ANO1: variants seen among roughly 807,000 people sequenced by gnomAD.
ANO1 encodes anoctamin-1.
ANO1 carries 59 observed loss-of-function variants against 124.0 expected under a neutral mutation model. The observed-to-expected ratio is 0.48, with a 90% confidence interval of 0.39 to 0.59. ANO1 has a LOEUF of 0.59. ANO1 is among the 20% of genes least tolerant of loss of function. The pLI is 0.00. For synonymous variants in ANO1, 529 were observed against 532.0 expected (o/e 0.99, Z 0.08); for missense variants, 1,059 against 1,328.0 (o/e 0.80, Z 3.15).
At chr11:70,117,135 C>T (rs1377835253) in intron 8 of ANO1, among the ~76,000 whole-genome samples, 2 of 103,424 alleles carry the variant, frequency 1.9e-5, no homozygotes, top group African/African-American at 3.7e-5. Context: ...GTTGGAGTCG[C>T]ACTTTGTCAC....
At position 70,069,843 on chromosome 11, in the gene ANO1, C is replaced by T. The variant is rs79436751; in HGVS notation, c.59-8699C>T. 8.5e-3 allele frequency among the ~76,000 whole-genome samples: 1,300 copies of T among 152,194 alleles called. 21 individuals are homozygous for T. Among genetic ancestry groups the T allele is most frequent in the African/African-American group, 0.03 (1,229 of 41,514 alleles). ...AAGAGCTTCTGGATGGACACTAGAACCACTGATTATGCATGCCATTGGGGA... is the reference window on the plus strand; with the variant it reads ...AAGAGCTTCTGGATGGACACTAGAATCACTGATTATGCATGCCATTGGGGA... On this transcript the variant is annotated intron_variant, in intron 1 of 27. Transcript: ENST00000531349.
At chr11:70,097,243 A>C (rs2045023594) in intron 2 of ANO1, among the ~76,000 whole-genome samples, 1 of 152,202 alleles carries the variant, frequency 6.6e-6, no homozygotes, top group Non-Finnish European at 1.5e-5. Context: ...GGGGAAGAGC[A>C]GTGGCGCCTG....
At chr11:70,145,129 A>G (rs114090515) in intron 11 of ANO1, among the ~76,000 whole-genome samples, 2,098 of 152,174 alleles carry the variant, frequency 0.014, 49 homozygotes, top group African/African-American at 0.046. Flanking sequence ...AGGAGGATGG[A>G]GCTCAGGGTT....
chr11:70,090,309 T>TC (rs897829188), intron 2 of ANO1, among the ~76,000 whole-genome samples: 3 of 152,148 alleles, frequency 2.0e-5, no homozygotes, highest in African/African-American at 7.2e-5. Flanking sequence ...GCCTGGCCCC[T>TC]CCCCAGGGGA....
intron 1 of ANO1, among the ~76,000 whole-genome samples, chr11:69,999,190 G>A (rs1856333663): frequency 6.6e-6 from 1 of 152,176 alleles, no homozygotes; most frequent in Admixed American, 6.5e-5. Flanking sequence ...GACTCAGGAA[G>A]CTTACAATCA....
At position 70,155,987 on chromosome 11, in the gene ANO1, T is replaced by C. The variant is rs565799734; in HGVS notation, c.1502T>C (p.Leu501Ser). Residue 501 changes from leucine to serine, a missense_variant and splice_region_variant, in exon 15 of 26, where the codon TTG becomes TCG. Around this residue, in one of 2 missense-constraint regions of ANO1, gnomAD observed 809 missense variants for 1,094.9 expected, o/e 0.74. Coordinates refer to ENST00000355303, the MANE Select transcript of ANO1 (RefSeq NM_018043.7). ...RVKTAMAGVK[L>S]TDKVKLTWRD... The stretch of plus-strand genomic sequence containing the variant: ...AAGACAGCCATGGCGGGGGTGAAAT[T>C]GGTACTTTTCTATTTTGCGGGCAGC... 1 of 1,516,474 alleles carries C rather than the reference T, an allele frequency of 6.6e-7. No individual in the cohort carries two copies. Among genetic ancestry groups the C allele is most frequent in the Admixed American group, 2.4e-5 (1 of 42,292 alleles). 93.9% of individuals were successfully genotyped at this position (1,516,474 alleles called of 1,614,324 possible). A position where few individuals can be genotyped will look rare whatever the true frequency, so the allele number is the denominator to read the frequency against.
At chr11:70,097,762 A>G (rs570102712) in intron 2 of ANO1, among the ~76,000 whole-genome samples, 2 of 152,326 alleles carry the variant, frequency 1.3e-5, no homozygotes, top group African/African-American at 4.8e-5. Context: ...TAGGCGCTTT[A>G]TAAAGTCGGG....
intron 11 of ANO1, among the ~76,000 whole-genome samples, chr11:70,135,125 G>T (rs1034309750): frequency 2.6e-5 from 4 of 152,190 alleles, no homozygotes; most frequent in Admixed American, 6.5e-5. Flanking sequence ...GGGAAGGTGT[G>T]AGAGAAGCGA....
chr11:70,171,098 G>T, intron 22 of ANO1, 59 bp downstream of exon 22: 1 of 1,565,038 alleles, frequency 6.4e-7, no homozygotes. Flanking sequence ...TTTGGGGAGG[G>T]GGTTGCTCCT....
chr11:69,975,749 C>A, the ANO1 span, among the ~76,000 whole-genome samples: 1 of 152,274 alleles, frequency 6.6e-6, no homozygotes, highest in African/African-American at 2.4e-5. Context: ...CCAGAGCTCA[C>A]CAGCCAGCGA....
At chr11:69,986,435 T>C (rs373665914) in intron 1 of ANO1, among the ~76,000 whole-genome samples, 36 of 151,900 alleles carry the variant, frequency 2.4e-4, no homozygotes, top group African/African-American at 7.2e-4. Flanking sequence ...GGGCTGGGGC[T>C]GGGGGCGCCG....
chr11:70,079,753 A>T (rs1264644743), intron 1 of ANO1, among the ~76,000 whole-genome samples: 1 of 152,210 alleles, frequency 6.6e-6, no homozygotes, highest in African/African-American at 2.4e-5. Flanking sequence ...CTGTCCCTCT[A>T]GTCTCTGGAG....
rs1312853749 is a variant in ANO1, at chr11:70,132,094, A to T, written c.1258+15A>T. On this transcript the variant is annotated intron_variant, in intron 11 of 25. Transcript: ENST00000355303. ...GGCCCTCTGGGGTAAGCAGGGCTCC[A>T]GAGCACTGGGTTTTTGGGCAGTGGT... 6.4e-7 allele frequency: 1 copy of T among 1,573,976 alleles called. No homozygotes were observed. The highest frequency in any genetic ancestry group is 8.6e-7 in the Non-Finnish European group (1 of 1,165,046).
rs939800220 is a variant in ANO1, at chr11:70,068,716, C to T, written c.59-9826C>T. ...TCTGCTCCATGGTAAGGGGCTCTCT[C>T]GCTGGCACGCCCCCTACTCTTTCCC... On this transcript the variant is annotated intron_variant, in intron 1 of 27. Coordinates refer to the ANO1 transcript ENST00000531349. 5.9e-5 allele frequency among the ~76,000 whole-genome samples: 9 copies of T among 152,280 alleles called. No homozygotes were observed. In the East Asian group the frequency reaches 1.4e-3, roughly 23 times the overall value.
chr11:70,087,605 G>A (rs2044432885), intron 1 of ANO1, 147 bp from the exon 2 acceptor site: 8 of 715,614 alleles, frequency 1.1e-5, no homozygotes, highest in Non-Finnish European at 1.8e-5. Context: ...TCAGGCCCTA[G>A]GACAGTGCCT....
chr11:70,147,860 T>G (rs2135609774), intron 11 of ANO1, among the ~76,000 whole-genome samples: 1 of 152,288 alleles, frequency 6.6e-6, no homozygotes, highest in African/African-American at 2.4e-5. Context: ...GTGGGTCATC[T>G]CTGGGTGGTC....
At chr11:70,130,673 C>A (rs1318987091) in intron 10 of ANO1, among the ~76,000 whole-genome samples, 1 of 152,230 alleles carries the variant, frequency 6.6e-6, no homozygotes, top group Non-Finnish European at 1.5e-5. Flanking sequence ...TCATGAAGAT[C>A]CTCTCTCCTG....
intron 1 of ANO1, among the ~76,000 whole-genome samples, chr11:70,002,632 A>G (rs1237692164): frequency 2.6e-5 from 4 of 152,226 alleles, no homozygotes; most frequent in African/African-American, 9.6e-5. Context: ...CTATGTTCAC[A>G]CTATGATGAA....
At chr11:70,091,435 C>T (rs2044620883) in intron 2 of ANO1, among the ~76,000 whole-genome samples, 2 of 152,124 alleles carry the variant, frequency 1.3e-5, no homozygotes, top group African/African-American at 2.4e-5. Flanking sequence ...ACAGCATCCC[C>T]GGCCTCTACC....
Sources: gnomAD v4.1 joint callset for allele counts (sites outside exome capture counted in the v4.1 genomes callset) on GRCh38, gnomAD v4.1.1 for gene constraint, gnomAD v4.1.1 regional missense constraint, MANE v1.5 for transcripts, NCBI Gene and HGNC (gene_info 2026-07-23, HGNC 2026-07-21) for gene names.